RHOC: variants seen among roughly 807,000 people sequenced by gnomAD.
RHOC encodes the protein rho-related GTP-binding protein RhoC.
Under a neutral mutation model 19.5 loss-of-function variants are expected in RHOC, and 13 were observed. The observed-to-expected ratio is 0.67, with a 90% confidence interval of 0.43 to 1.06. RHOC has a LOEUF of 1.06. Ranked by LOEUF, RHOC falls within the 50% of genes least tolerant of loss-of-function variation. The probability of loss-of-function intolerance (pLI) is 0.00; values close to 1 mark genes in which losing one functional copy is unlikely to be tolerated. For missense variants in RHOC, 173 were observed against 256.9 expected (o/e 0.67, Z 2.23); for synonymous variants, 106 against 97.3 (o/e 1.09, Z -0.52).
chr1:112,703,375 A>C (rs1314956847), intron 3 of RHOC: 5 of 713,536 alleles, frequency 7.0e-6, no homozygotes, highest in Non-Finnish European at 1.3e-5. Flanking sequence ...CCTTTGAGGG[A>C]GGTCTTACCA....
intron 5 of RHOC, 59 bp downstream of exon 5, chr1:112,702,504 T>G: frequency 6.3e-7 from 1 of 1,586,274 alleles, no homozygotes; most frequent in Non-Finnish European, 8.6e-7. Context: ...TTTGCCCGTC[T>G]GCAACCCCTC....
intron 1 of RHOC, chr1:112,705,610 C>T (rs1387081870): frequency 2.2e-6 from 1 of 460,002 alleles, no homozygotes; most frequent in Non-Finnish European, 4.4e-6. Context: ...TTCACCCTGT[C>T]GGCAGATCGC....
chr1:112,706,851 C>A (rs893875388), intron 1 of RHOC: 6 of 152,054 alleles, frequency 3.9e-5, no homozygotes, highest in African/African-American at 1.4e-4. Context: ...GCCAGAGCCC[C>A]TGCCGGCAGG....
chr1:112,702,779 T>C (rs1272961885), intron 4 of RHOC, 86 bp from the exon 5 acceptor site: 9 of 1,551,158 alleles, frequency 5.8e-6, no homozygotes, highest in Non-Finnish European at 7.9e-6. Context: ...CCCAGAGCAG[T>C]CTTAGAAGCC....
intron 2 of RHOC, chr1:112,704,377 C>T (rs184668142): frequency 1.1e-4 from 17 of 153,352 alleles, no homozygotes; most frequent in African/African-American, 4.1e-4. Context: ...GTTATAGAGC[C>T]CCTAGGTGCC....
intron 1 of RHOC, chr1:112,705,581 GA>G: frequency 2.1e-6 from 1 of 466,356 alleles, no homozygotes. Context: ...TGATTCCCCA[GA>G]AGACAAGCAA....
intron 1 of RHOC, chr1:112,706,109 C>T (rs1432125134): frequency 5.9e-6 from 1 of 168,600 alleles, no homozygotes; most frequent in Non-Finnish European, 1.3e-5. Flanking sequence ...CTGAGCCCCA[C>T]ACAGGGCCTG....
In RHOC at chr1:112,701,566, G is replaced by A. The variant is rs771017578; in HGVS notation, c.556C>T (p.Arg186Cys). Reference protein sequence around the residue: ...RAGLQVRKNKRRRGCPIL With the variant: ...RAGLQVRKNKCRRGCPIL Reference sequence around the variant, plus strand: ...CAGAGAATGGGACAGCCCCTCCGACGCTTGTTCTTGCGGACCTGGAGGCCA... The same window carrying A: ...CAGAGAATGGGACAGCCCCTCCGACACTTGTTCTTGCGGACCTGGAGGCCA... Residue 186 changes from arginine (R) to cysteine (C), a missense_variant, in exon 6 of 6, where the codon CGT becomes TGT. Coordinates refer to ENST00000339083, the MANE Select transcript of RHOC (RefSeq NM_175744.5). 68 of 1,614,010 alleles carry A rather than the reference G, an allele frequency of 4.2e-5. No homozygotes were observed. Among genetic ancestry groups the A allele is most frequent in the South Asian group, 1.3e-4 (12 of 91,078 alleles).
upstream of RHOC, chr1:112,707,331 C>G (rs1387912889): frequency 3.9e-5 from 6 of 152,586 alleles, no homozygotes; most frequent in Middle Eastern, 6.8e-3. Context: ...GGGGAGATTC[C>G]TGGACTGCGG....
At position 112,702,731 on chromosome 1, in the gene RHOC, C is replaced by T. The variant is rs2245013; in HGVS notation, c.278-38G>A. 12,097 of 1,612,494 alleles carry T rather than the reference C, an allele frequency of 7.5e-3. 327 individuals are homozygous for T. The East Asian group carries it at 0.096, about 13-fold the overall frequency. On this transcript the variant is annotated intron_variant, in intron 4 of 5. Transcript: ENST00000339083. The stretch of plus-strand genomic sequence containing the variant: ...GCACCAACAGGTGTCGGTGCCTCCA[C>T]TTAAGCTAGAAAGCTCCCCTGGGGG...
intron 1 of RHOC, chr1:112,706,023 G>C (rs1331966745): frequency 4.5e-6 from 1 of 221,552 alleles, no homozygotes; most frequent in Non-Finnish European, 9.4e-6. Flanking sequence ...TAGGCCCAAG[G>C]CCAAGATGGC....
chr1:112,702,129 G>A (rs983798630), intron 5 of RHOC, among the ~76,000 whole-genome samples: 12 of 152,142 alleles, frequency 7.9e-5, no homozygotes, highest in African/African-American at 2.9e-4. Context: ...CCTCTGGCTA[G>A]AGAGCCACTT....
rs772515757 is a variant in RHOC, at chr1:112,703,068, G to A, written c.208C>T (p.Arg70Trp). 2 of 1,614,168 alleles carry A rather than the reference G, an allele frequency of 1.2e-6. No individual in the cohort carries two copies. The highest frequency in any genetic ancestry group is 1.1e-5 in the South Asian group (1 of 91,078). ...TAGQEDYDRL[R>W]PLSYPDTDVI... is the part of the protein sequence containing the mutation. ...TCAGTGTCCGGGTAGGAGAGAGGCC[G>A]CAGTCGATCATAGTCTTCCTGCCCT... The change falls in exon 4 of 6, where the codon CGG becomes TGG. Residue 70 changes from arginine to tryptophan, a missense_variant. By Grantham distance (101) the Arg-to-Trp change is moderately radical (BLOSUM62 -3). Around this residue, in one of 2 missense-constraint regions of RHOC, gnomAD observed 92 missense variants for 171.1 expected, o/e 0.54. Coordinates refer to ENST00000339083, the MANE Select transcript of RHOC (RefSeq NM_175744.5).
chr1:112,703,164 C>T, intron 3 of RHOC, 45 bp from the exon 4 acceptor site: 1 of 1,609,722 alleles, frequency 6.2e-7, no homozygotes, highest in Non-Finnish European at 8.5e-7. Flanking sequence ...GGCCCCAACC[C>T]TGCCACCCAA....
chr1:112,703,932 T>C, intron 2 of RHOC, 126 bp from the exon 3 acceptor site: 2 of 822,508 alleles, frequency 2.4e-6, no homozygotes, highest in Non-Finnish European at 3.7e-6. Flanking sequence ...TGCTCAGGCA[T>C]GTTCTGGCAA....
rs775687775 is a variant in RHOC at position 112,703,653 on chromosome 1, G to A, written c.147C>T (p.Asp49=). 2.4e-5 allele frequency: 38 copies of A among 1,612,304 alleles called. No homozygotes were observed. Among genetic ancestry groups the A allele is most frequent in the African/African-American group, 2.3e-4 (17 of 74,864 alleles). ...FENYIADIEV[D]GKQVELALWD... Reference sequence around the variant, plus strand: ...GCATTTCTGCCTTCACCTGCTTGCCGTCCACCTCAATGTCCGCAATATAGT... The same window carrying A: ...GCATTTCTGCCTTCACCTGCTTGCCATCCACCTCAATGTCCGCAATATAGT... The change falls in exon 3 of 6, where the codon GAC becomes GAT. Residue 49 remains aspartate (D), a synonymous_variant. Transcript: ENST00000339083.
At chr1:112,704,939 C>T in intron 2 of RHOC, 161 bp downstream of exon 2, 1 of 627,484 alleles carries the variant, frequency 1.6e-6, no homozygotes, top group Non-Finnish European at 2.9e-6. Context: ...TCCAGCTCAC[C>T]CGCATGCCCT....
At position 112,705,097 on chromosome 1, in the gene RHOC, G is replaced by A. The variant is rs1404810093; in HGVS notation, c.-8+3C>T. ...TCCTCCTTCCCTGGGGAGGGGAACT[G>A]ACCTCCAGCCGGCTGAAGTTCCCAG... On this transcript the variant is annotated splice_donor_region_variant and intron_variant, in intron 2 of 5. Coordinates refer to ENST00000339083, the MANE Select transcript of RHOC (RefSeq NM_175744.5). 5 of 702,492 alleles carry A rather than the reference G, an allele frequency of 7.1e-6. No homozygotes were observed. The allele number at this position is 702,492 out of a possible 1,614,324, so 43.5% of individuals were successfully genotyped here.
In RHOC at chr1:112,703,541, T is replaced by C. The variant is rs1674733996; in HGVS notation, c.156+103A>G. ...CTTTTACTGGTTCCAGCAGGGAGAA[T>C]GAAGCAAAGACAGGGGTAGGAATGG... On this transcript the variant is annotated intron_variant, in intron 3 of 5. Coordinates refer to ENST00000339083, the MANE Select transcript of RHOC (RefSeq NM_175744.5). 28 of 971,638 alleles carry C rather than the reference T, an allele frequency of 2.9e-5. 1 individual carries two copies. The South Asian group carries it at 3.6e-4, about 12-fold the overall frequency. The allele number at this position is 971,638 out of a possible 1,614,324, so 60.2% of individuals were successfully genotyped here.
Sources: allele counts gnomAD v4.1 joint callset (sites outside exome capture counted in the v4.1 genomes callset), GRCh38; gene constraint gnomAD v4.1.1; regional missense constraint gnomAD v4.1.1; transcripts MANE v1.5; gene names NCBI Gene and HGNC (gene_info 2026-07-23, HGNC 2026-07-21).